EIF5: variants seen among roughly 807,000 people sequenced by gnomAD.
EIF5 encodes eukaryotic translation initiation factor 5.
EIF5 carries 10 observed loss-of-function variants against 48.3 expected under a neutral mutation model. The ratio of observed to expected loss-of-function variants is 0.21; its 90% confidence interval spans 0.13 to 0.35. EIF5 has a LOEUF of 0.35. EIF5 is among the 10% of genes least tolerant of loss of function. The probability of loss-of-function intolerance (pLI) is 1.00; values close to 1 mark genes in which losing one functional copy is unlikely to be tolerated. For missense variants in EIF5, 397 were observed against 533.2 expected (o/e 0.74, Z 2.51); for synonymous variants, 237 against 173.1 (o/e 1.37, Z -2.90).
chr14:103,335,699 CAAGCAAG>C lies in EIF5; in HGVS notation c.-157_-151del. The C allele has an allele frequency of 6.0e-6, 4 of 665,788 alleles. No individual in the cohort carries two copies. In the South Asian group the frequency reaches 7.4e-5, roughly 12 times the overall value. 41.2% of individuals were successfully genotyped at this position (665,788 alleles called of 1,614,324 possible). A position where few individuals can be genotyped will look rare whatever the true frequency, so the allele number is the denominator to read the frequency against. ...ACCTGTATTGGGGAAACATAGCATA[CAAGCAAG>C]AAGCTTACAGCCTCAGTGGCGAAAA... On this transcript the variant is annotated 5_prime_UTR_variant, in exon 3 of 12. Transcript: ENST00000216554.
At chr14:103,339,535 C>T in intron 9 of EIF5, 104 bp from the exon 10 acceptor site, 1 of 1,539,812 alleles carries the variant, frequency 6.5e-7, no homozygotes, top group African/African-American at 1.4e-5. Flanking sequence ...TTTTGAACAA[C>T]TATGGTATGG....
In EIF5 at chr14:103,344,360, CTT is replaced by C. The variant is rs1158452167; in HGVS notation, c.*3311_*3312del. On this transcript the variant is annotated 3_prime_UTR_variant, in exon 12 of 12. Coordinates refer to ENST00000216554, the MANE Select transcript of EIF5 (RefSeq NM_001969.5). ...ATATGAGAATAGAAGCTACAGAGTT[CTT>C]TTCTTGGGACCTAGACTGGGAGGTG... 2.6e-5 allele frequency: 4 copies of C among 152,168 alleles called. No individual in the cohort carries two copies. Among genetic ancestry groups the C allele is most frequent in the African/African-American group, 9.7e-5 (4 of 41,430 alleles). 9.4% of individuals were successfully genotyped at this position (152,168 alleles called of 1,614,324 possible). A position where few individuals can be genotyped will look rare whatever the true frequency, so the allele number is the denominator to read the frequency against.
At chr14:103,334,921 G>C (rs2140357389) in intron 2 of EIF5, 1 of 152,282 alleles carries the variant, frequency 6.6e-6, no homozygotes, top group Admixed American at 6.5e-5. Flanking sequence ...TGCACCCTCC[G>C]GGGCCGCCGG....
chr14:103,338,184 C>A, intron 6 of EIF5, 143 bp from the exon 7 acceptor site: 3 of 1,130,788 alleles, frequency 2.7e-6, no homozygotes, highest in Non-Finnish European at 2.5e-6. Context: ...ATCTGTGAAG[C>A]CTCTTAGGTA....
In EIF5 at chr14:103,343,311, C is replaced by T. The variant is rs988865945; in HGVS notation, c.*2259C>T. The stretch of plus-strand genomic sequence containing the variant: ...TGCAGTTACACTTGCCAGCCCCACT[C>T]ACAAAAGTTGTTCATTTCATTGGGT... On this transcript the variant is annotated 3_prime_UTR_variant, in exon 12 of 12. Transcript: ENST00000216554. 5 of 152,206 alleles carry T rather than the reference C, an allele frequency of 3.3e-5. No homozygotes were observed. Among genetic ancestry groups the T allele is most frequent in the Admixed American group, 2.6e-4 (4 of 15,274 alleles). The allele number at this position is 152,206 out of a possible 1,614,324, so 9.4% of individuals were successfully genotyped here.
chr14:103,335,940 ACTG>A lies in EIF5; in HGVS notation c.72+11_72+13del, dbSNP rs1161296321. The A allele has an allele frequency of 6.2e-7, 1 of 1,614,166 alleles. No individual in the cohort carries two copies. The highest frequency in any genetic ancestry group is 1.1e-5 in the South Asian group (1 of 91,078). ...CCCCGTCTGATTGCCAAGGTAATAA[ACTG>A]CTCTTCAATTTAGTTGATAGCTCTT... On this transcript the variant is annotated intron_variant, in intron 3 of 11. Transcript: ENST00000216554.
intron 8 of EIF5, 121 bp from the exon 9 acceptor site, chr14:103,339,049 CTA>C (rs1212294883): frequency 4.5e-5 from 66 of 1,472,410 alleles, no homozygotes; most frequent in Non-Finnish European, 5.2e-5. Flanking sequence ...ATTCCAGGCA[CTA>C]TGTGTCACAA....
intron 10 of EIF5, 30 bp from the exon 11 acceptor site, chr14:103,340,397 A>C (rs2089339164): frequency 6.3e-7 from 1 of 1,582,334 alleles, no homozygotes; most frequent in South Asian, 1.1e-5. Context: ...AAAATTCCTC[A>C]ACTAAGAGAC....
Position 103,339,079 on chromosome 14 carries a change from A to G in EIF5, c.745-93A>G. The G allele has an allele frequency of 2.7e-6, 4 of 1,507,172 alleles. No homozygotes were observed. The South Asian group carries it at 5.4e-5, about 20-fold the overall frequency. 93.4% of individuals were successfully genotyped at this position (1,507,172 alleles called of 1,614,324 possible). ...TGTCACAACTGCCAAATTAGGCAGG[A>G]AAAATATGTTCATCAGAGCAGGGAC... On this transcript the variant is annotated intron_variant, in intron 8 of 11. Coordinates refer to ENST00000216554, the MANE Select transcript of EIF5 (RefSeq NM_001969.5).
intron 7 of EIF5, 110 bp downstream of exon 7, chr14:103,338,582 A>G: frequency 6.7e-7 from 1 of 1,489,722 alleles, no homozygotes. Context: ...TAATACACTA[A>G]TATTGTGGAT....
intron 7 of EIF5, 77 bp from the exon 8 acceptor site, chr14:103,338,658 A>T (rs918033943): frequency 2.6e-6 from 4 of 1,562,280 alleles, no homozygotes; most frequent in Non-Finnish European, 3.5e-6. Flanking sequence ...ACTTGATGCC[A>T]TTAACTTGGC....
Position 103,344,494 on chromosome 14 carries a change from G to A in EIF5, c.*3442G>A, listed in dbSNP as rs1164068046. 4 of 152,218 alleles carry A rather than the reference G, an allele frequency of 2.6e-5. No homozygotes were observed. The highest frequency in any genetic ancestry group is 4.8e-5 in the African/African-American group (2 of 41,438). 9.4% of individuals were successfully genotyped at this position (152,218 alleles called of 1,614,324 possible). ...AGGAGGAGGATTCACTTGGGTGTTG[G>A]GATCAAATTTGGATTCTGTCCCAGG... On this transcript the variant is annotated 3_prime_UTR_variant, in exon 12 of 12. Coordinates refer to ENST00000216554, the MANE Select transcript of EIF5 (RefSeq NM_001969.5).
chr14:103,335,411 A>T, intron 2 of EIF5: 1 of 166,680 alleles, frequency 6.0e-6, no homozygotes, highest in Non-Finnish European at 1.3e-5. Context: ...GAGGCAGCAC[A>T]GCTTGTGTTT....
At position 103,341,722 on chromosome 14, in the gene EIF5, T is replaced by A. The variant is rs1235788873; in HGVS notation, c.*670T>A. 6.6e-6 allele frequency: 1 copy of A among 152,390 alleles called. No individual in the cohort carries two copies. Among genetic ancestry groups the A allele is most frequent in the Non-Finnish European group, 1.5e-5 (1 of 68,076 alleles). The allele number at this position is 152,390 out of a possible 1,614,324, so 9.4% of individuals were successfully genotyped here. On this transcript the variant is annotated 3_prime_UTR_variant, in exon 12 of 12. Transcript: ENST00000216554. ...AAACTTGGAGAGCTGTTTTCTCATT[T>A]CATGTACACTTGCCCCAAATTGTCT... is the stretch of plus-strand genomic sequence containing the variant.
At position 103,335,804 on chromosome 14, in the gene EIF5, A is replaced by G. The variant is rs947993632; in HGVS notation, c.-57A>G. On this transcript the variant is annotated 5_prime_UTR_variant, in exon 3 of 12. Coordinates refer to ENST00000216554, the MANE Select transcript of EIF5 (RefSeq NM_001969.5). ...CCTTCTTCTCCAGACAGAAGATACC[A>G]AAAAGTTGCAATCAAAGATCTCTTC... The G allele has an allele frequency of 1.3e-6, 2 of 1,586,686 alleles. No individual in the cohort carries two copies. Among genetic ancestry groups the G allele is most frequent in the African/African-American group, 1.3e-5 (1 of 74,396 alleles).
Position 103,341,095 on chromosome 14 carries a change from T to C in EIF5, c.*43T>C. ...AGCTTAACAGTATAATGCTGCAAAT[T>C]TTCCTCCATTATCAGCCAGAAGTGC... On this transcript the variant is annotated 3_prime_UTR_variant, in exon 12 of 12. Coordinates refer to ENST00000216554, the MANE Select transcript of EIF5 (RefSeq NM_001969.5). 1 of 1,589,462 alleles carries C rather than the reference T, an allele frequency of 6.3e-7. No homozygotes were observed. The highest frequency in any genetic ancestry group is 8.6e-7 in the Non-Finnish European group (1 of 1,158,496).
Position 103,336,092 on chromosome 14 carries a change from A to C in EIF5, c.129A>C (p.Ala43=), listed in dbSNP as rs758766577. ...TTATAGTCAACATGGTTGACGTTGCAAAGGCGCTTAATCGGCCTCCAACGT... is the reference window on the plus strand; with the variant it reads ...TTATAGTCAACATGGTTGACGTTGCCAAGGCGCTTAATCGGCCTCCAACGT... ...KTVIVNMVDV[A]KALNRPPTYP... Residue 43 remains alanine (A), a synonymous_variant, in exon 4 of 12, where the codon GCA becomes GCC. Transcript: ENST00000216554. 3 of 1,614,224 alleles carry C rather than the reference A, an allele frequency of 1.9e-6. No individual in the cohort carries two copies. In the East Asian group the frequency reaches 6.7e-5, roughly 36 times the overall value.
rs375362607 is a variant in EIF5 at position 103,343,294 on chromosome 14, C to G, written c.*2242C>G. 1.3e-5 allele frequency: 2 copies of G among 152,208 alleles called. No individual in the cohort carries two copies. The highest frequency in any genetic ancestry group is 4.8e-5 in the African/African-American group (2 of 41,438). The allele number at this position is 152,208 out of a possible 1,614,324, so 9.4% of individuals were successfully genotyped here. On this transcript the variant is annotated 3_prime_UTR_variant, in exon 12 of 12. Transcript: ENST00000216554. ...TTGTGTTGGATGTATCCTGCAGTTACACTTGCCAGCCCCACTCACAAAAGT... is the reference window on the plus strand; with the variant it reads ...TTGTGTTGGATGTATCCTGCAGTTAGACTTGCCAGCCCCACTCACAAAAGT...
intron 6 of EIF5, chr14:103,337,919 A>G (rs2089307450): frequency 1.9e-6 from 1 of 524,768 alleles, no homozygotes; most frequent in South Asian, 1.4e-5. Context: ...AGAAAGTCTA[A>G]CCTATTCCGG....
Sources: allele counts gnomAD v4.1 joint callset, GRCh38; gene constraint gnomAD v4.1.1; transcripts MANE v1.5; gene names NCBI Gene and HGNC (gene_info 2026-07-23, HGNC 2026-07-21).